Variants in XPO6 observed in about 807,000 individuals in gnomAD.
XPO6 encodes the protein exportin-6.
In XPO6, 3 loss-of-function variants were observed where a neutral mutation model predicts 130.0. The observed-to-expected ratio is 0.02, with a 90% CI of 0.01 to 0.06. XPO6 has a LOEUF of 0.06. XPO6 is among the 10% of genes least tolerant of loss of function. The pLI is 1.00. For synonymous variants in XPO6, 524 were observed against 548.9 expected (o/e 0.95, Z 0.63); for missense variants, 970 against 1,393.0 (o/e 0.70, Z 4.83).
chr16:28,178,080 T>C (rs572250054), intron 2 of XPO6, among the ~76,000 whole-genome samples: 2 of 152,260 alleles, frequency 1.3e-5, no homozygotes, highest in East Asian at 3.9e-4. Context: ...TGCTGTCCCT[T>C]AGTCACCTTG....
At chr16:28,156,613 T>G in intron 6 of XPO6, 86 bp from the exon 7 acceptor site, 2 of 796,910 alleles carry the variant, frequency 2.5e-6, no homozygotes, top group Non-Finnish European at 3.8e-6. Context: ...AAAATATATA[T>G]ATATATGTAT....
intron 3 of XPO6, 42 bp from the exon 4 acceptor site, chr16:28,176,137 A>C: frequency 6.3e-7 from 1 of 1,584,542 alleles, no homozygotes; most frequent in Non-Finnish European, 8.6e-7. Context: ...CAACCTATAC[A>C]CAAAAATAAC....
intron 1 of XPO6, among the ~76,000 whole-genome samples, chr16:28,190,532 A>G (rs1292448615): frequency 6.6e-6 from 1 of 152,170 alleles, no homozygotes; most frequent in Non-Finnish European, 1.5e-5. Flanking sequence ...CCTGGTTTCA[A>G]TAATTTTAAA....
intron 1 of XPO6, chr16:28,208,990 G>A (rs1596984649): frequency 1.3e-5 from 2 of 152,322 alleles, no homozygotes; most frequent in East Asian, 1.9e-4. Flanking sequence ...TACTCACAAT[G>A]GAATTCAGCT....
At chr16:28,194,777 G>A (rs1370602136) in intron 1 of XPO6, among the ~76,000 whole-genome samples, 3 of 151,862 alleles carry the variant, frequency 2.0e-5, no homozygotes, top group South Asian at 2.1e-4. Context: ...CACCACTGCC[G>A]CCCAGGGTCT....
chr16:28,167,276 T>C (rs925681943), intron 5 of XPO6: 1 of 985,414 alleles, frequency 1.0e-6, no homozygotes, highest in African/African-American at 1.7e-5. Flanking sequence ...GCTACGTGCA[T>C]ATCCCAAACT....
chr16:28,112,897 G>A lies in XPO6; in HGVS notation c.2151+7C>T. The A allele has an allele frequency of 6.2e-7, 1 of 1,612,334 alleles. No individual in the cohort carries two copies. ...CTGGGGACCCCGGGGGAGCTCTGGG[G>A]CCTCACCTTATCGACAAGTCGCAGG... On this transcript the variant is annotated splice_region_variant and intron_variant, in intron 16 of 23. Coordinates refer to ENST00000304658, the MANE Select transcript of XPO6 (RefSeq NM_015171.4).
At chr16:28,140,453 G>A (rs1484766984) in intron 9 of XPO6, among the ~76,000 whole-genome samples, 1 of 152,138 alleles carries the variant, frequency 6.6e-6, no homozygotes, top group Admixed American at 6.6e-5. Flanking sequence ...GCCAAGGCGG[G>A]CGGATCACAA....
intron 9 of XPO6, among the ~76,000 whole-genome samples, chr16:28,144,897 T>C (rs553512102): frequency 3.7e-4 from 56 of 152,304 alleles, no homozygotes; most frequent in African/African-American, 1.3e-3. Context: ...AAAACCAGGA[T>C]CCAAACATAG....
chr16:28,193,774 C>T (rs1232274046), intron 1 of XPO6, among the ~76,000 whole-genome samples: 3 of 152,156 alleles, frequency 2.0e-5, no homozygotes, highest in Non-Finnish European at 4.4e-5. Context: ...CCCCGCACAG[C>T]AAGCACGCAT....
chr16:28,135,237 A>G lies in XPO6; in HGVS notation c.1422T>C (p.Asp474=). Residue 474 remains aspartate, a synonymous_variant, in exon 10 of 24, where the codon GAT becomes GAC. Coordinates refer to ENST00000304658, the MANE Select transcript of XPO6 (RefSeq NM_015171.4). ...TTACATCGTCATCCAGAGTCTCATCATCCAACTCCTCCAGCTGGGCTTGGT... is the reference window on the plus strand; with the variant it reads ...TTACATCGTCATCCAGAGTCTCATCGTCCAACTCCTCCAGCTGGGCTTGGT... The part of the protein sequence containing the change: ...RYNQAQLEEL[D]DETLDDDQQT... The G allele has an allele frequency of 6.2e-7, 1 of 1,613,884 alleles. No homozygotes were observed. The highest frequency in any genetic ancestry group is 8.5e-7 in the Non-Finnish European group (1 of 1,179,880).
chr16:28,194,256 C>T (rs940560107), intron 1 of XPO6, among the ~76,000 whole-genome samples: 1 of 151,944 alleles, frequency 6.6e-6, no homozygotes, highest in African/African-American at 2.4e-5. Flanking sequence ...AATAAAAATC[C>T]TACATAAAAA....
At chr16:28,197,699 G>A (rs1036336042) in intron 1 of XPO6, among the ~76,000 whole-genome samples, 1 of 151,498 alleles carries the variant, frequency 6.6e-6, no homozygotes, top group African/African-American at 2.4e-5. Context: ...GGCAGATCAC[G>A]AGGTCAGGAG....
intron 4 of XPO6, among the ~76,000 whole-genome samples, chr16:28,172,408 GA>G (rs2141856018): frequency 6.6e-6 from 1 of 152,246 alleles, no homozygotes; most frequent in East Asian, 1.9e-4. Flanking sequence ...CCCAACAGAA[GA>G]AACAGCAATT....
intron 17 of XPO6, among the ~76,000 whole-genome samples, 163 bp from the exon 18 acceptor site, chr16:28,107,840 T>C (rs953449165): frequency 6.6e-6 from 1 of 152,154 alleles, no homozygotes; most frequent in Non-Finnish European, 1.5e-5. Context: ...TTCTCCTCTC[T>C]TTATGTTTTA....
chr16:28,156,911 T>G (rs1485302082), intron 6 of XPO6, among the ~76,000 whole-genome samples: 2 of 151,958 alleles, frequency 1.3e-5, no homozygotes, highest in Non-Finnish European at 2.9e-5. Context: ...TTGCTACTGT[T>G]CCCCCAAATC....
At chr16:28,179,102 C>A (rs2043577645) in intron 2 of XPO6, 1 of 151,948 alleles carries the variant, frequency 6.6e-6, no homozygotes, top group South Asian at 2.1e-4. Flanking sequence ...AATTTTAGAT[C>A]ATTTCAAAGA....
intron 14 of XPO6, among the ~76,000 whole-genome samples, chr16:28,119,641 T>C (rs916787639): frequency 2.0e-5 from 3 of 151,712 alleles, no homozygotes; most frequent in Non-Finnish European, 4.4e-5. Context: ...CATGATTAGT[T>C]AGACCTTGGA....
At chr16:28,206,435 T>TA (rs1287931638) in intron 1 of XPO6, among the ~76,000 whole-genome samples, 2 of 152,028 alleles carry the variant, frequency 1.3e-5, no homozygotes, top group Non-Finnish European at 2.9e-5. Context: ...TAGTCTCAGC[T>TA]ACTGAGGAGG....
Sources: gnomAD v4.1 joint callset for allele counts (sites outside exome capture counted in the v4.1 genomes callset) on GRCh38, gnomAD v4.1.1 for gene constraint, MANE v1.5 for transcripts, NCBI Gene and HGNC (gene_info 2026-07-23, HGNC 2026-07-21) for gene names.